Variants in TNFRSF11A observed in about 807,000 individuals in gnomAD.
TNFRSF11A encodes the protein TNF receptor superfamily member 11a.
A neutral mutation model predicts 55.7 loss-of-function variants in TNFRSF11A; 32 were observed. That is an observed-to-expected ratio of 0.57 (90% CI 0.43 to 0.77). The LOEUF (loss-of-function observed/expected upper bound fraction) is 0.77, where lower values mean the gene tolerates loss of function less well. Ranked by LOEUF, TNFRSF11A falls within the 30% of genes least tolerant of loss-of-function variation. The probability of loss-of-function intolerance (pLI) is 0.00; values close to 1 mark genes in which losing one functional copy is unlikely to be tolerated. For synonymous variants in TNFRSF11A, 311 were observed against 331.0 expected (o/e 0.94, Z 0.65); for missense variants, 753 against 809.8 (o/e 0.93, Z 0.85).
In TNFRSF11A at chr18:62,355,683, A is replaced by ATATATCCTATTTGCTATATTATATAT. The variant is rs1909206138; in HGVS notation, c.427+1149_427+1150insTATATCCTATTTGCTATATTATATAT. Among the ~76,000 whole-genome samples the ATATATCCTATTTGCTATATTATATAT allele has an allele frequency of 3.3e-5, 5 of 152,306 alleles. No individual in the cohort carries two copies. The South Asian group carries it at 1.0e-3, about 32-fold the overall frequency. On this transcript the variant is annotated intron_variant, in intron 4 of 9. Transcript: ENST00000586569. ...ATTATTACACAATTGGTCACAAATG[A>ATATATCCTATTTGCTATATTATATAT]ATATATCCTATTTTGCTATATTATA...
chr18:62,335,643 C>T (rs767847911), intron 1 of TNFRSF11A, among the ~76,000 whole-genome samples: 16 of 152,278 alleles, frequency 1.1e-4, no homozygotes, highest in South Asian at 4.2e-4. Context: ...TAGGCAGCCC[C>T]GTGTTCAGTC....
Position 62,385,623 on chromosome 18 carries a change from T to G in TNFRSF11A, c.*589T>G, listed in dbSNP as rs755300964. On this transcript the variant is annotated 3_prime_UTR_variant, in exon 10 of 10. Transcript: ENST00000586569. Reference sequence around the variant, plus strand: ...ACCTCAACCTTCGGAGTAGCTGGGATCACAGCTGCAGGCCACGCCCAGCTT... The same window carrying G: ...ACCTCAACCTTCGGAGTAGCTGGGAGCACAGCTGCAGGCCACGCCCAGCTT... The G allele has an allele frequency of 6.6e-6, 1 of 151,834 alleles. No individual in the cohort carries two copies. The highest frequency in any genetic ancestry group is 1.5e-5 in the Non-Finnish European group (1 of 68,056). 9.4% of individuals were successfully genotyped at this position (151,834 alleles called of 1,614,324 possible).
intron 7 of TNFRSF11A, among the ~76,000 whole-genome samples, chr18:62,365,789 C>CTTTATTT (rs898764282): frequency 1.6e-4 from 24 of 151,908 alleles, no homozygotes; most frequent in Admixed American, 1.3e-3. Context: ...GCTTCATAGC[C>CTTTATTT]TTTATTTTTT....
intron 1 of TNFRSF11A, among the ~76,000 whole-genome samples, chr18:62,342,589 C>T (rs148532425): frequency 6.6e-6 from 1 of 152,124 alleles, no homozygotes; most frequent in Non-Finnish European, 1.5e-5. Context: ...CTCACATTCA[C>T]AGGCACAGGA....
At chr18:62,381,979 TA>T (rs1230775357) in intron 9 of TNFRSF11A, among the ~76,000 whole-genome samples, 10 of 152,190 alleles carry the variant, frequency 6.6e-5, no homozygotes, top group Non-Finnish European at 1.0e-4. Context: ...CTGAGTTACT[TA>T]AAAATGTCAT....
chr18:62,385,064 C>G lies in TNFRSF11A; in HGVS notation c.*30C>G. ...CCCCCATGGCTGGGAGCCCGAAGCT[C>G]GGAGCCAGGGCTCGCGAGGGCAGCA... On this transcript the variant is annotated 3_prime_UTR_variant, in exon 10 of 10. Transcript: ENST00000586569. 2 of 1,453,714 alleles carry G rather than the reference C, an allele frequency of 1.4e-6. No individual in the cohort carries two copies. The highest frequency in any genetic ancestry group is 1.4e-5 in the South Asian group (1 of 72,226). The allele number at this position is 1,453,714 out of a possible 1,614,324, so 90.1% of individuals were successfully genotyped here.
At position 62,366,709 on chromosome 18, in the gene TNFRSF11A, T is replaced by C; in HGVS notation, c.732T>C (p.Ala244=). The part of the protein sequence containing the change: ...CYRKKGKALT[A]NLWHWINEAC... ...TTATCCTTGCTTTGTGTTTTCTAGC[T>C]AATTTGTGGCACTGGATCAATGAGG... is the stretch of plus-strand genomic sequence containing the variant. Residue 244 remains alanine, a splice_region_variant and synonymous_variant, in exon 8 of 10, where the codon GCT becomes GCC. Transcript: ENST00000586569. 6.2e-7 allele frequency: 1 copy of C among 1,614,234 alleles called. No individual in the cohort carries two copies. The highest frequency in any genetic ancestry group is 8.5e-7 in the Non-Finnish European group (1 of 1,180,036).
At position 62,362,989 on chromosome 18, in the gene TNFRSF11A, A is replaced by G. The variant is rs570137579; in HGVS notation, c.730+1196A>G. 4.6e-5 allele frequency among the ~76,000 whole-genome samples: 7 copies of G among 152,086 alleles called. No homozygotes were observed. The South Asian group carries it at 1.2e-3, about 27-fold the overall frequency. ...CTCCCGAGTAGCTGGGATTACAGGC[A>G]TTTGCCACCACGCCCAGCTAATTTT... On this transcript the variant is annotated intron_variant, in intron 7 of 9. Coordinates refer to ENST00000586569, the MANE Select transcript of TNFRSF11A (RefSeq NM_003839.4).
At position 62,384,923 on chromosome 18, in the gene TNFRSF11A, C is replaced by T. The variant is rs1363836770; in HGVS notation, c.1740C>T (p.Ser580=). The T allele has an allele frequency of 1.9e-6, 3 of 1,556,290 alleles. No individual in the cohort carries two copies. Among genetic ancestry groups the T allele is most frequent in the Admixed American group, 3.8e-5 (2 of 52,250 alleles). Residue 580 remains serine (S), a synonymous_variant, in exon 10 of 10, where the codon TCC becomes TCT. Coordinates refer to ENST00000586569, the MANE Select transcript of TNFRSF11A (RefSeq NM_003839.4). The part of the protein sequence containing the change: ...VQEETLARRD[S]FAGNGPRFPD... ...AGGAGACCCTGGCGCGCCGAGACTC[C>T]TTCGCGGGGAACGGCCCGCGCTTCC...
At position 62,386,558 on chromosome 18, in the gene TNFRSF11A, C is replaced by T. The variant is rs1186118668; in HGVS notation, c.*1524C>T. ...TGTTACCCAGTGAGCACTGGTTCCC[C>T]GCAAATACTGGGGAAAAGCAAAAAT... On this transcript the variant is annotated 3_prime_UTR_variant, in exon 10 of 10. Coordinates refer to ENST00000586569, the MANE Select transcript of TNFRSF11A (RefSeq NM_003839.4). The T allele has an allele frequency of 2.6e-5, 4 of 152,222 alleles. No individual in the cohort carries two copies. Among genetic ancestry groups the T allele is most frequent in the East Asian group, 3.9e-4 (2 of 5,188 alleles). The allele number at this position is 152,222 out of a possible 1,614,324, so 9.4% of individuals were successfully genotyped here.
intron 7 of TNFRSF11A, among the ~76,000 whole-genome samples, chr18:62,362,878 A>G (rs1360034880): frequency 3.3e-5 from 5 of 151,726 alleles, no homozygotes; most frequent in African/African-American, 1.2e-4. Context: ...GAGTCTCGCT[A>G]TGTTGCCTAG....
chr18:62,366,625 A>C, intron 7 of TNFRSF11A, 83 bp from the exon 8 acceptor site: 1 of 1,414,144 alleles, frequency 7.1e-7, no homozygotes, highest in East Asian at 2.3e-5. Flanking sequence ...GTATACCTTA[A>C]ATATACATAA....
rs1190029599 is a variant in TNFRSF11A at position 62,366,742 on chromosome 18, C to T, written c.765C>T (p.Gly255=). 1.9e-6 allele frequency: 3 copies of T among 1,614,080 alleles called. No individual in the cohort carries two copies. The highest frequency in any genetic ancestry group is 2.5e-6 in the Non-Finnish European group (3 of 1,180,040). The change falls in exon 8 of 10, where the codon GGC becomes GGT. Residue 255 remains glycine, a synonymous_variant. Transcript: ENST00000586569. ...GGCACTGGATCAATGAGGCTTGTGG[C>T]CGCCTAAGTGGAGATAAGGTAGAGT... ...NLWHWINEAC[G]RLSGDKESSG...
chr18:62,326,418 A>G lies in TNFRSF11A; in HGVS notation c.75+991A>G, dbSNP rs918705992. On this transcript the variant is annotated intron_variant, in intron 1 of 9. Transcript: ENST00000586569. The stretch of plus-strand genomic sequence containing the variant: ...AGATTCTAGGGAAGATTCATTCCCA[A>G]TTGTATGGGTCTGTCAGTATGGTTG... 7.2e-5 allele frequency among the ~76,000 whole-genome samples: 11 copies of G among 152,334 alleles called. No homozygotes were observed. In the South Asian group the frequency reaches 8.3e-4, roughly 11 times the overall value.
Sources: allele counts gnomAD v4.1 joint callset (sites outside exome capture counted in the v4.1 genomes callset), GRCh38; gene constraint gnomAD v4.1.1; transcripts MANE v1.5; gene names NCBI Gene and HGNC (gene_info 2026-07-23, HGNC 2026-07-21).